The following THSD7A variants were observed in gnomAD, a reference collection of about 807,000 sequenced individuals.
THSD7A encodes thrombospondin type-1 domain-containing protein 7A.
Under a neutral mutation model 231.3 loss-of-function variants are expected in THSD7A, and 96 were observed. The observed-to-expected ratio is 0.41, with a 90% CI of 0.35 to 0.49. The LOEUF (loss-of-function observed/expected upper bound fraction) is 0.49, where lower values mean the gene tolerates loss of function less well. Among genes scored for constraint, THSD7A ranks in the 20% least tolerant of loss-of-function variants. THSD7A has a pLI of 0.05. For synonymous variants in THSD7A, 940 were observed against 743.3 expected, an observed-to-expected ratio of 1.26 and a Z score of -4.30; for missense variants, 2,290 against 2,070.2, an observed-to-expected ratio of 1.11 and a Z score of -2.06.
At chr7:11,378,972 A>C (rs751075996) in intron 26 of THSD7A, 98 bp downstream of exon 26, 4 of 1,099,320 alleles carry the variant, frequency 3.6e-6, no homozygotes, top group Non-Finnish European at 5.3e-6. Context: ...AAAATAATCA[A>C]TAGCTCATAT....
intron 1 of THSD7A, among the ~76,000 whole-genome samples, chr7:11,648,307 A>G (rs1332771107): frequency 2.6e-5 from 4 of 152,022 alleles, no homozygotes; most frequent in African/African-American, 9.7e-5. Flanking sequence ...TAAGCCTATT[A>G]AGCCTGAAGT....
chr7:11,502,292 C>T (rs1388960209), intron 6 of THSD7A, among the ~76,000 whole-genome samples: 1 of 152,112 alleles, frequency 6.6e-6, no homozygotes, highest in Non-Finnish European at 1.5e-5. Context: ...TTCTATGAGG[C>T]CAGCATCATC....
Position 11,602,669 on chromosome 7 carries a change from A to C in THSD7A, c.1023-9167T>G, listed in dbSNP as rs529441762. ...GGTGAGCAGTGAAAATAAGAATGGA[A>C]ATTGAAGGCCTCGGTCTGATTCCAG... On this transcript the variant is annotated intron_variant, in intron 2 of 27. Transcript: ENST00000423059. 2.6e-5 allele frequency among the ~76,000 whole-genome samples: 4 copies of C among 151,950 alleles called. 1 individual carries two copies. Among genetic ancestry groups the C allele is most frequent in the African/African-American group, 9.6e-5 (4 of 41,478 alleles).
At chr7:11,516,385 C>G (rs1788030306) in intron 6 of THSD7A, among the ~76,000 whole-genome samples, 1 of 152,184 alleles carries the variant, frequency 6.6e-6, no homozygotes, top group African/African-American at 2.4e-5. Flanking sequence ...TTGGTGAGAA[C>G]TCATTCACGA....
At chr7:11,781,425 G>A (rs1381605186) in intron 1 of THSD7A, among the ~76,000 whole-genome samples, 1 of 151,952 alleles carries the variant, frequency 6.6e-6, no homozygotes, top group Non-Finnish European at 1.5e-5. Flanking sequence ...TTGCCTGGGT[G>A]GCAGAACAAG....
intron 4 of THSD7A, among the ~76,000 whole-genome samples, chr7:11,567,312 G>GC (rs756295287): frequency 5.3e-5 from 8 of 152,156 alleles, no homozygotes; most frequent in Non-Finnish European, 1.2e-4. Context: ...AGGGGGAAGA[G>GC]CCCCTTATAA....
chr7:11,562,842 T>A (rs996423979), intron 4 of THSD7A, among the ~76,000 whole-genome samples: 1 of 152,190 alleles, frequency 6.6e-6, no homozygotes, highest in Non-Finnish European at 1.5e-5. Flanking sequence ...TTGGCACTAG[T>A]GGTGCGTTTT....
rs376516862 is a variant in THSD7A, at chr7:11,593,336, T to A, written c.1189A>T (p.Ile397Phe). 1.7e-5 allele frequency: 27 copies of A among 1,613,886 alleles called. No individual in the cohort carries two copies. Among genetic ancestry groups the A allele is most frequent in the Non-Finnish European group, 2.2e-5 (26 of 1,179,902 alleles). Reference protein sequence around the residue: ...VRTRTIRQFPIGSEKECPEFE... With the variant: ...VRTRTIRQFPFGSEKECPEFE... ...TCTGGACACTCCTTTTCACTGCCAA[T>A]GGGAAACTGCCTGATGGTTCGTGTC... Residue 397 changes from isoleucine to phenylalanine, a missense_variant, in exon 3 of 28, where the codon ATT becomes TTT. Ile to Phe is a conservative substitution (Grantham distance 21, BLOSUM62 0). Coordinates refer to ENST00000423059, the MANE Select transcript of THSD7A (RefSeq NM_015204.3).
At chr7:11,511,402 A>G (rs1178325782) in intron 6 of THSD7A, among the ~76,000 whole-genome samples, 1 of 152,218 alleles carries the variant, frequency 6.6e-6, no homozygotes, top group East Asian at 1.9e-4. Context: ...CAAACTACCA[A>G]TGACTTTCTT....
rs141875282 is a variant in THSD7A, at chr7:11,388,525, T to C, written c.4412-5909A>G. ...GATGGTAGTTTGAATTTCCGTGGGA[T>C]CACTGGTGACATCCCCTTTATCATT... On this transcript the variant is annotated intron_variant, in intron 23 of 27. Transcript: ENST00000423059. Among the ~76,000 whole-genome samples, 1,404 of 152,366 alleles carry C rather than the reference T, an allele frequency of 9.2e-3. 22 individuals are homozygous for C. Among genetic ancestry groups the C allele is most frequent in the African/African-American group, 0.028 (1,158 of 41,594 alleles).
intron 1 of THSD7A, among the ~76,000 whole-genome samples, chr7:11,662,985 A>C (rs1782988414): frequency 6.6e-6 from 1 of 151,296 alleles, no homozygotes; most frequent in Non-Finnish European, 1.5e-5. Flanking sequence ...ACTACAATCT[A>C]AGTATTCATA....
At chr7:11,765,271 G>A (rs1038454725) in intron 1 of THSD7A, among the ~76,000 whole-genome samples, 5 of 152,056 alleles carry the variant, frequency 3.3e-5, no homozygotes, top group Admixed American at 2.0e-4. Flanking sequence ...CTTGTGATGC[G>A]AATATTTAAG....
chr7:11,481,741 C>A (rs753000417), intron 7 of THSD7A, 47 bp downstream of exon 7: 40 of 1,505,762 alleles, frequency 2.7e-5, no homozygotes, highest in Admixed American at 6.1e-5. Context: ...AAGATGCACA[C>A]TAACTTTTGA....
At chr7:11,454,090 T>C (rs1326738724) in intron 11 of THSD7A, among the ~76,000 whole-genome samples, 1 of 152,030 alleles carries the variant, frequency 6.6e-6, no homozygotes, top group Non-Finnish European at 1.5e-5. Context: ...ATAAGCTGTC[T>C]ATTCACTTCA....
intron 7 of THSD7A, among the ~76,000 whole-genome samples, chr7:11,475,016 T>A (rs1786099525): frequency 1.3e-5 from 2 of 151,976 alleles, no homozygotes; most frequent in African/African-American, 4.8e-5. Context: ...GAGAATAGTA[T>A]CTAAGTAGAA....
At position 11,518,810 on chromosome 7, in the gene THSD7A, A is replaced by C. The variant is rs182970389; in HGVS notation, c.1822+22609T>G. On this transcript the variant is annotated intron_variant, in intron 6 of 27. Transcript: ENST00000423059. ...CAAAATGAACACATGTGAAATAATAAATTATCAAATGTTATGGCATGGACT... is the reference window on the plus strand; with the variant it reads ...CAAAATGAACACATGTGAAATAATACATTATCAAATGTTATGGCATGGACT... 1.5e-3 allele frequency among the ~76,000 whole-genome samples: 216 copies of C among 148,944 alleles called. 1 individual carries two copies. Among genetic ancestry groups the C allele is most frequent in the African/African-American group, 5.3e-3 (205 of 38,330 alleles).
intron 14 of THSD7A, among the ~76,000 whole-genome samples, chr7:11,427,920 A>G (rs1282620077): frequency 2.6e-5 from 4 of 152,130 alleles, no homozygotes; most frequent in East Asian, 1.9e-4. Context: ...AAAATCAGCA[A>G]CTTCACTTGG....
intron 11 of THSD7A, among the ~76,000 whole-genome samples, chr7:11,451,778 G>A (rs1785155051): frequency 6.6e-6 from 1 of 151,994 alleles, no homozygotes; most frequent in South Asian, 2.1e-4. Flanking sequence ...TACTGATGCA[G>A]CTCTGAAGCA....
intron 1 of THSD7A, chr7:11,820,633 G>C (rs975159362): frequency 4.0e-6 from 3 of 753,844 alleles, no homozygotes; most frequent in Admixed American, 4.0e-5. Context: ...AAGTTTCCTC[G>C]AGCGCTCTGC....
Sources: allele counts gnomAD v4.1 joint callset (sites outside exome capture counted in the v4.1 genomes callset), GRCh38; gene constraint gnomAD v4.1.1; transcripts MANE v1.5; gene names NCBI Gene and HGNC (gene_info 2026-07-23, HGNC 2026-07-21).